GLB1: variants seen among roughly 807,000 people sequenced by gnomAD.
The protein encoded by GLB1 is beta-galactosidase.
A neutral mutation model predicts 74.0 loss-of-function variants in GLB1; 56 were observed. The ratio of observed to expected loss-of-function variants is 0.76; its 90% CI spans 0.61 to 0.94. The LOEUF (loss-of-function observed/expected upper bound fraction) is 0.94, where lower values mean the gene tolerates loss of function less well. Among genes scored for constraint, GLB1 ranks in the 40% least tolerant of loss-of-function variants. The pLI is 0.00. For synonymous variants in GLB1, 323 were observed against 323.6 expected (o/e 1.00, Z 0.02); for missense variants, 787 against 845.5 (o/e 0.93, Z 0.86).
chr3:32,998,604 T>G (rs1193313198), intron 15 of GLB1, among the ~76,000 whole-genome samples: 15 of 149,418 alleles, frequency 1.0e-4, no homozygotes, highest in Admixed American at 1.0e-3. Flanking sequence ...AGAAAGAAAG[T>G]GAAGATGGGG....
At chr3:33,015,866 A>AGG (rs1483782131) in intron 14 of GLB1, among the ~76,000 whole-genome samples, 1 of 152,182 alleles carries the variant, frequency 6.6e-6, no homozygotes, top group Non-Finnish European at 1.5e-5. Flanking sequence ...TTCCCTTGAT[A>AGG]AGGCATTCTC....
chr3:33,093,284 G>GT lies in GLB1; in HGVS notation c.75+3726dup, dbSNP rs1700850690. 1.2e-6 allele frequency: 2 copies of GT among 1,613,992 alleles called. No homozygotes were observed. The highest frequency in any genetic ancestry group is 2.7e-5 in the African/African-American group (2 of 74,890). On this transcript the variant is annotated intron_variant, in intron 1 of 15. Coordinates refer to ENST00000307363, the MANE Select transcript of GLB1 (RefSeq NM_000404.4). This position sits in a 1 kb window ranked among gnomAD's most constrained non-coding sequence, Gnocchi z 6.0. ...GGGCCCGTGTGGCGGAAATCTTCAC[G>GT]TTCTCATTATGAAGAGGCTGGACAT...
chr3:33,066,626 C>T (rs2125545264), intron 4 of GLB1, among the ~76,000 whole-genome samples: 1 of 152,322 alleles, frequency 6.6e-6, no homozygotes, highest in South Asian at 2.1e-4. Context: ...GGACACAAAG[C>T]CTGGAGCATA....
At chr3:32,967,688 C>A in the GLB1 span, among the ~76,000 whole-genome samples, 2 of 152,180 alleles carry the variant, frequency 1.3e-5, no homozygotes, top group Non-Finnish European at 2.9e-5. Flanking sequence ...TGCTACATTT[C>A]TGGGAGCTCG....
intron 15 of GLB1, among the ~76,000 whole-genome samples, chr3:33,008,456 T>A (rs1234330814): frequency 6.6e-6 from 1 of 151,712 alleles, no homozygotes; most frequent in Admixed American, 6.6e-5. Context: ...GGCAGAGAGA[T>A]AAGTCTGACA....
chr3:33,011,109 G>A (rs968589101), intron 15 of GLB1, among the ~76,000 whole-genome samples: 1 of 151,974 alleles, frequency 6.6e-6, no homozygotes, highest in East Asian at 1.9e-4. Context: ...CACCCGTCTC[G>A]GCCTCCCAAA....
chr3:33,068,139 A>G, intron 4 of GLB1, 91 bp downstream of exon 4: 2 of 1,581,498 alleles, frequency 1.3e-6, no homozygotes. Context: ...CACCCGCCTC[A>G]GCCTCCCAAA....
intron 6 of GLB1, among the ~76,000 whole-genome samples, chr3:33,055,449 G>C (rs114156807): frequency 7.3e-6 from 1 of 136,918 alleles, no homozygotes; most frequent in African/African-American, 2.7e-5. Flanking sequence ...TTTTTGTCAT[G>C]GTTTTCTTTT....
intron 6 of GLB1, among the ~76,000 whole-genome samples, chr3:33,055,404 C>T (rs765711681): frequency 4.0e-5 from 6 of 151,672 alleles, no homozygotes; most frequent in African/African-American, 4.8e-5. Context: ...TCCTCTGCAG[C>T]GCTTTGTATT....
chr3:32,990,405 C>A, the GLB1 span, among the ~76,000 whole-genome samples: 1 of 152,106 alleles, frequency 6.6e-6, no homozygotes, highest in African/African-American at 2.4e-5. Context: ...TAGATCTGTG[C>A]GCTCCCTGAG....
Position 33,093,772 on chromosome 3 carries a change from A to T in GLB1, c.75+3239T>A, listed in dbSNP as rs762339003. The T allele has an allele frequency of 5.6e-6, 9 of 1,613,616 alleles. No individual in the cohort carries two copies. The South Asian group carries it at 9.9e-5, about 18-fold the overall frequency. Reference sequence around the variant, plus strand: ...CCACTGCGCCAGGCCAAGAGCTGGTAGGCCTGCTCCATGCCGCTGAGGATG... The same window carrying T: ...CCACTGCGCCAGGCCAAGAGCTGGTTGGCCTGCTCCATGCCGCTGAGGATG... On this transcript the variant is annotated intron_variant, in intron 1 of 15. Coordinates refer to ENST00000307363, the MANE Select transcript of GLB1 (RefSeq NM_000404.4). The surrounding 1 kb of genome is among the most constrained non-coding windows in gnomAD (Gnocchi z 6.0).
At chr3:33,017,566 G>C (rs1016662346) in intron 13 of GLB1, among the ~76,000 whole-genome samples, 8 of 152,184 alleles carry the variant, frequency 5.3e-5, no homozygotes, top group Admixed American at 5.2e-4. Flanking sequence ...AAATTTTCTT[G>C]GTGAAGAAAA....
At chr3:32,970,254 G>A in the GLB1 span, among the ~76,000 whole-genome samples, 1 of 152,178 alleles carries the variant, frequency 6.6e-6, no homozygotes, top group Non-Finnish European at 1.5e-5. Context: ...TCAAACGGCT[G>A]CTGAAGAAAT....
chr3:33,072,463 C>A, intron 2 of GLB1, 81 bp downstream of exon 2: 3 of 1,592,920 alleles, frequency 1.9e-6, no homozygotes, highest in Admixed American at 1.7e-5. Context: ...AATAAAATAG[C>A]CACCCTGAGA....
At chr3:33,031,594 A>G (rs1283314752) in intron 10 of GLB1, among the ~76,000 whole-genome samples, 1 of 125,354 alleles carries the variant, frequency 8.0e-6, no homozygotes, top group South Asian at 3.1e-4. Context: ...CCTGGGTGAC[A>G]GAGCAAGGCT....
At chr3:33,053,384 T>C in intron 7 of GLB1, 107 bp downstream of exon 7, 3 of 1,510,320 alleles carry the variant, frequency 2.0e-6, no homozygotes, top group Non-Finnish European at 2.7e-6. Flanking sequence ...TCCCATTAGC[T>C]GCTGACTCCA....
chr3:33,008,773 C>G (rs1282122539), intron 15 of GLB1, among the ~76,000 whole-genome samples: 1 of 152,040 alleles, frequency 6.6e-6, no homozygotes, highest in African/African-American at 2.4e-5. Flanking sequence ...ATGAAGGAGG[C>G]AGAGTAGAAG....
chr3:32,994,708 G>A (rs1696277610), downstream of GLB1, among the ~76,000 whole-genome samples: 1 of 151,994 alleles, frequency 6.6e-6, no homozygotes, highest in African/African-American at 2.4e-5. Flanking sequence ...ATAACCTGAG[G>A]TCAGGAGTTT....
At chr3:33,034,552 T>C in intron 10 of GLB1, 1 of 724,084 alleles carries the variant, frequency 1.4e-6, no homozygotes, top group South Asian at 1.5e-5. Flanking sequence ...GCTCCTGGGA[T>C]GGTCGTGTGT....
Sources: allele counts gnomAD v4.1 joint callset (sites outside exome capture counted in the v4.1 genomes callset), GRCh38; gene constraint gnomAD v4.1.1; non-coding constraint Gnocchi (gnomAD v3.1); transcripts MANE v1.5; gene names NCBI Gene and HGNC (gene_info 2026-07-23, HGNC 2026-07-21).